Variants in CAST observed in about 807,000 individuals in gnomAD.
CAST encodes the protein calpastatin, also known as MIR583 host.
In CAST, 76 loss-of-function variants were observed where a neutral mutation model predicts 119.6. That is an observed-to-expected ratio of 0.64 (90% CI 0.53 to 0.77). The LOEUF (loss-of-function observed/expected upper bound fraction) is 0.77. Ranked by LOEUF, CAST falls within the 30% of genes least tolerant of loss-of-function variation. The pLI is 0.00. For missense variants in CAST, 953 were observed against 946.5 expected (o/e 1.01, Z -0.09); for synonymous variants, 319 against 331.6 (o/e 0.96, Z 0.41).
chr5:96,641,616 C>T (rs1747950929), intron 1 of CAST, among the ~76,000 whole-genome samples: 2 of 152,160 alleles, frequency 1.3e-5, no homozygotes, highest in Non-Finnish European at 2.9e-5. Flanking sequence ...CTTCTTCTGC[C>T]TTCTGGCTAG....
At chr5:96,044,541 A>G in the CAST span, among the ~76,000 whole-genome samples, 1 of 152,178 alleles carries the variant, frequency 6.6e-6, no homozygotes, top group Non-Finnish European at 1.5e-5. Context: ...AGAAGCCTGA[A>G]CAGACTAAGA....
the CAST span, among the ~76,000 whole-genome samples, chr5:96,226,391 C>T: frequency 4.6e-5 from 7 of 152,148 alleles, no homozygotes; most frequent in Admixed American, 2.6e-4. Flanking sequence ...TGGGTTATGC[C>T]TGTAATCCCA....
At chr5:96,337,346 C>A in the CAST span, among the ~76,000 whole-genome samples, 1 of 152,142 alleles carries the variant, frequency 6.6e-6, no homozygotes, top group Admixed American at 6.5e-5. Flanking sequence ...TAAGAACCAA[C>A]TATGGTCTCT....
At chr5:96,345,852 C>T in the CAST span, among the ~76,000 whole-genome samples, 2 of 152,192 alleles carry the variant, frequency 1.3e-5, no homozygotes, top group East Asian at 1.9e-4. Context: ...TGTTTCCACA[C>T]AGGTGAGAAA....
chr5:95,969,095 A>G, the CAST span, among the ~76,000 whole-genome samples: 1,136 of 152,310 alleles, frequency 7.5e-3, 12 homozygotes, highest in African/African-American at 0.026. Flanking sequence ...GAGCTATCAT[A>G]CGGTGTTTTG....
the CAST span, among the ~76,000 whole-genome samples, chr5:96,166,036 A>G: frequency 6.6e-6 from 1 of 152,224 alleles, no homozygotes. Context: ...GAACAAAACA[A>G]TAAATCAAGT....
chr5:96,433,912 C>A, the CAST span, among the ~76,000 whole-genome samples: 3 of 152,196 alleles, frequency 2.0e-5, no homozygotes, highest in Non-Finnish European at 2.9e-5. Context: ...ATTGCAAAGC[C>A]AGCGCCACCA....
chr5:96,034,123 T>A, the CAST span, among the ~76,000 whole-genome samples: 4 of 151,756 alleles, frequency 2.6e-5, no homozygotes, highest in African/African-American at 9.7e-5. Context: ...TAATAAATTT[T>A]AAAAAATAAG....
the CAST span, among the ~76,000 whole-genome samples, chr5:96,493,670 A>G: frequency 1.3e-5 from 2 of 152,198 alleles, no homozygotes; most frequent in African/African-American, 4.8e-5. Context: ...CTTTGCAATG[A>G]AGAAATTCAT....
intron 16 of CAST, 30 bp from the exon 17 acceptor site, chr5:96,746,312 T>C (rs770053256): frequency 5.9e-5 from 75 of 1,268,384 alleles, no homozygotes; most frequent in Non-Finnish European, 8.4e-5. Flanking sequence ...ATTATCCAAC[T>C]ACTTTTTTTT....
chr5:96,736,749 G>T (rs1241461658), intron 10 of CAST, among the ~76,000 whole-genome samples: 1 of 151,842 alleles, frequency 6.6e-6, no homozygotes, highest in Non-Finnish European at 1.5e-5. Flanking sequence ...CTAGATTGTT[G>T]TTTTCTCCTT....
the CAST span, among the ~76,000 whole-genome samples, chr5:96,205,655 T>C: frequency 6.6e-6 from 1 of 152,146 alleles, no homozygotes; most frequent in African/African-American, 2.4e-5. Flanking sequence ...CTCATTCTGT[T>C]TTTATGGCTG....
the CAST span, among the ~76,000 whole-genome samples, chr5:96,116,303 A>G: frequency 1.3e-5 from 2 of 152,222 alleles, no homozygotes; most frequent in African/African-American, 4.8e-5. Context: ...ATTGATAAGT[A>G]GTATTTCATG....
chr5:96,186,638 G>C, the CAST span, among the ~76,000 whole-genome samples: 9 of 152,234 alleles, frequency 5.9e-5, no homozygotes, highest in African/African-American at 1.9e-4. Context: ...CTGTTTATAT[G>C]ATGAGTCACA....
the CAST span, among the ~76,000 whole-genome samples, chr5:96,076,045 A>G: frequency 3.3e-5 from 5 of 152,128 alleles, no homozygotes; most frequent in Non-Finnish European, 7.3e-5. Flanking sequence ...CTCTAGAGTG[A>G]ATGTCCAGGG....
At chr5:96,242,082 G>T in the CAST span, among the ~76,000 whole-genome samples, 1 of 147,472 alleles carries the variant, frequency 6.8e-6, no homozygotes, top group African/African-American at 2.5e-5. Flanking sequence ...GATCCCATTT[G>T]TCAATTTTGG....
At chr5:96,505,979 A>G in the CAST span, among the ~76,000 whole-genome samples, 1,750 of 152,330 alleles carry the variant, frequency 0.011, 27 homozygotes, top group African/African-American at 0.04. Flanking sequence ...TTGGGATGAC[A>G]AGGCCATGGC....
At chr5:96,635,367 G>A (rs1747873698) in intron 1 of CAST, among the ~76,000 whole-genome samples, 2 of 152,146 alleles carry the variant, frequency 1.3e-5, no homozygotes, top group Non-Finnish European at 2.9e-5. Flanking sequence ...GTGTTGTTAT[G>A]CACACATTGA....
chr5:96,664,393 A>G lies in CAST; in HGVS notation c.75+1896A>G, dbSNP rs374041817. 6.1e-3 allele frequency among the ~76,000 whole-genome samples: 826 copies of G among 134,948 alleles called. 6 individuals carry two copies. The highest frequency in any genetic ancestry group is 0.01 in the South Asian group (45 of 4,410). The allele number at this position is 134,948 out of a possible 152,430, so 88.5% of individuals were successfully genotyped here. ...TGCATATATATGTGTGTGCATATAT[A>G]TGTGTAAATATATATATATATGCAC... On this transcript the variant is annotated intron_variant, in intron 1 of 31. Transcript: ENST00000675179.
Sources: gnomAD v4.1 joint callset for allele counts (sites outside exome capture counted in the v4.1 genomes callset) on GRCh38, gnomAD v4.1.1 for gene constraint, MANE v1.5 for transcripts, NCBI Gene and HGNC (gene_info 2026-07-23, HGNC 2026-07-21) for gene names.